The following BBS1 variants were observed in gnomAD, a reference collection of about 807,000 sequenced individuals.
The protein encoded by BBS1 is Bardet-Biedl syndrome 1, also known as BBSome complex member BBS1.
BBS1 carries 60 observed loss-of-function variants against 73.9 expected under a neutral mutation model. The ratio of observed to expected loss-of-function variants is 0.81; its 90% CI spans 0.66 to 1.01. The LOEUF (loss-of-function observed/expected upper bound fraction) is 1.01, where lower values mean the gene tolerates loss of function less well. Among genes scored for constraint, BBS1 ranks in the 50% least tolerant of loss-of-function variants. The probability of loss-of-function intolerance (pLI) is 0.00; values close to 1 mark genes in which losing one functional copy is unlikely to be tolerated. For missense variants in BBS1, 718 were observed against 770.3 expected, an observed-to-expected ratio of 0.93 and a Z score of 0.80; for synonymous variants, 283 against 317.4, an observed-to-expected ratio of 0.89 and a Z score of 1.15.
At chr11:66,511,607 G>A (rs138476861) in intron 3 of BBS1, among the ~76,000 whole-genome samples, 297 of 152,242 alleles carry the variant, frequency 2.0e-3, no homozygotes, top group Middle Eastern at 6.8e-3. Context: ...TTTAAGATGG[G>A]CCATGAGCTG....
chr11:66,510,680 G>A lies in BBS1; in HGVS notation c.21G>A (p.Ser7=), dbSNP rs745789744. The change falls in exon 1 of 17, where the codon TCG becomes TCA. Residue 7 remains serine (S), a synonymous_variant. Transcript: ENST00000318312. MAAASS[S]DSDACGAESN... ...CGAAGATGGCCGCTGCGTCCTCATC[G>A]GATTCCGACGCCTGCGGAGCTGAGA... 1 of 1,614,186 alleles carries A rather than the reference G, an allele frequency of 6.2e-7. No individual in the cohort carries two copies.
intron 13 of BBS1, among the ~76,000 whole-genome samples, chr11:66,527,293 T>C (rs1269795210): frequency 6.6e-6 from 1 of 152,046 alleles, no homozygotes; most frequent in East Asian, 1.9e-4. Flanking sequence ...CGTTTATTTG[T>C]TCATTCATTC....
intron 4 of BBS1, among the ~76,000 whole-genome samples, chr11:66,515,055 T>G (rs1211127991): frequency 1.3e-5 from 2 of 152,132 alleles, no homozygotes; most frequent in African/African-American, 2.4e-5. Context: ...TGGCCTCATA[T>G]GATCTACCCA....
rs969612052 is a variant in BBS1, at chr11:66,529,308, G to A, written c.1340-511G>A. Reference sequence around the variant, plus strand: ...GGACAGGGAGGCAGTGACGGAGGCAGGACCATGAGGCTGGTTTCCGCAGCA... The same window carrying A: ...GGACAGGGAGGCAGTGACGGAGGCAAGACCATGAGGCTGGTTTCCGCAGCA... On this transcript the variant is annotated intron_variant, in intron 13 of 16. Coordinates refer to ENST00000318312, the MANE Select transcript of BBS1 (RefSeq NM_024649.5). 51 of 1,536,078 alleles carry A rather than the reference G, an allele frequency of 3.3e-5. 1 individual carries two copies. The highest frequency in any genetic ancestry group is 1.7e-4 in the Middle Eastern group (1 of 5,820).
At chr11:66,510,746 G>C (rs1351408146) in intron 1 of BBS1, 40 bp downstream of exon 1, 2 of 1,612,932 alleles carry the variant, frequency 1.2e-6, no homozygotes, top group Admixed American at 3.3e-5. Context: ...TCCCACCCGT[G>C]TAAAGAGGGT....
chr11:66,528,152 G>T, intron 13 of BBS1, among the ~76,000 whole-genome samples: 1 of 152,116 alleles, frequency 6.6e-6, no homozygotes, highest in Admixed American at 6.6e-5. Flanking sequence ...GGAGGCAAAG[G>T]TTGCAGTGAA....
chr11:66,514,425 G>T lies in BBS1; in HGVS notation c.179G>T (p.Gly60Val). Residue 60 changes from glycine to valine, a missense_variant, in exon 4 of 17, where the codon GGC (glycine) becomes GTC (valine). Transcript: ENST00000318312. ...CTGCAGCTGGTGGTAGGGGACCTTGGCCCTGGTGGGCAGCAGCCCCGCCTG... is the reference window on the plus strand; with the variant it reads ...CTGCAGCTGGTGGTAGGGGACCTTGTCCCTGGTGGGCAGCAGCCCCGCCTG... ...GEYKLVVGDL[G>V]PGGQQPRLKV... 1 of 1,614,090 alleles carries T rather than the reference G, an allele frequency of 6.2e-7. No individual in the cohort carries two copies.
At chr11:66,516,060 C>G (rs1856042509) in intron 7 of BBS1, 127 bp downstream of exon 7, 1 of 896,330 alleles carries the variant, frequency 1.1e-6, no homozygotes, top group African/African-American at 1.7e-5. Flanking sequence ...CCCTTCCAGC[C>G]ATGCCATGTG....
In BBS1 at chr11:66,526,609, C is replaced by T. The variant is rs527954704; in HGVS notation, c.1181-40C>T. On this transcript the variant is annotated intron_variant, in intron 12 of 16. Transcript: ENST00000318312. ...AGAAAGAATGGGAATGTGGGTAGAA[C>T]TGGGGAGGACAAATCCATTTCCACT... is the stretch of plus-strand genomic sequence containing the variant. 50 of 1,613,660 alleles carry T rather than the reference C, an allele frequency of 3.1e-5. No individual in the cohort carries two copies. In the South Asian group the frequency reaches 5.2e-4, roughly 17 times the overall value.
At position 66,526,872 on chromosome 11, in the gene BBS1, G is replaced by A. The variant is rs1480225502; in HGVS notation, c.1339+65G>A. 37 of 1,613,284 alleles carry A rather than the reference G, an allele frequency of 2.3e-5. No individual in the cohort carries two copies. In the Admixed American group the frequency reaches 5.5e-4, roughly 24 times the overall value. ...ACTGCTCCTACACAGCAAAGCTGGG[G>A]GAATGCTGCCCAGCCTCCCTGTGCA... On this transcript the variant is annotated intron_variant, in intron 13 of 16. Coordinates refer to ENST00000318312, the MANE Select transcript of BBS1 (RefSeq NM_024649.5).
At chr11:66,512,358 C>A (rs1174563201) in intron 3 of BBS1, among the ~76,000 whole-genome samples, 2 of 152,080 alleles carry the variant, frequency 1.3e-5, no homozygotes, top group African/African-American at 4.8e-5. Flanking sequence ...CCATGGGCAA[C>A]AACACCACAA....
Position 66,515,859 on chromosome 11 carries a change from A to G in BBS1, c.519-2A>G, listed in dbSNP as rs1057516502. 6.2e-7 allele frequency: 1 copy of G among 1,614,214 alleles called. No individual in the cohort carries two copies. Among genetic ancestry groups the G allele is most frequent in the Non-Finnish European group, 8.5e-7 (1 of 1,180,036 alleles). On this transcript the variant is annotated splice_acceptor_variant, in intron 6 of 16. Coordinates refer to ENST00000318312, the MANE Select transcript of BBS1 (RefSeq NM_024649.5). LOFTEE classifies it high-confidence loss of function. ...GCAGATGCCAGTTCTCTGTGTGTCT[A>G]GGTTTCTGCAGCTGGAGCTAAGTGA...
At chr11:66,512,479 A>G (rs1420576441) in intron 3 of BBS1, among the ~76,000 whole-genome samples, 1 of 152,210 alleles carries the variant, frequency 6.6e-6, no homozygotes, top group Non-Finnish European at 1.5e-5. Flanking sequence ...TAATGTATTC[A>G]GTAATTCAGC....
intron 11 of BBS1, among the ~76,000 whole-genome samples, chr11:66,524,552 C>G (rs1482539120): frequency 6.6e-6 from 1 of 152,084 alleles, no homozygotes; most frequent in African/African-American, 2.4e-5. Context: ...TCAACTGGGC[C>G]TCAGAACAGT....
Position 66,526,133 on chromosome 11 carries a change from C to T in BBS1, c.1121C>T (p.Thr374Ile). The change falls in exon 12 of 17, where the codon ACC (threonine) becomes ATC (isoleucine). Residue 374 changes from threonine (T) to isoleucine (I), a missense_variant. Thr to Ile is a moderately conservative substitution (Grantham distance 89). Transcript: ENST00000318312. Reference protein sequence around the residue: ...LNVIHTPDAVTSLCFGRYGRE... With the variant: ...LNVIHTPDAVISLCFGRYGRE... ...GACGTCTCCACATAGGATGCAGTGA[C>T]CAGCCTTTGCTTTGGCCGGTACGGG... 1.2e-6 allele frequency: 2 copies of T among 1,614,232 alleles called. No homozygotes were observed. Among genetic ancestry groups the T allele is most frequent in the Non-Finnish European group, 1.7e-6 (2 of 1,180,040 alleles).
At chr11:66,519,948 C>A in intron 8 of BBS1, 200 bp downstream of exon 8, 1 of 561,326 alleles carries the variant, frequency 1.8e-6, no homozygotes, top group Non-Finnish European at 3.1e-6. Context: ...TCTCTCTAGA[C>A]ATTTTCATAT....
At chr11:66,521,886 C>T (rs1432410683) in intron 9 of BBS1, among the ~76,000 whole-genome samples, 5 of 101,558 alleles carry the variant, frequency 4.9e-5, no homozygotes, top group Non-Finnish European at 9.1e-5. Context: ...GCCTGGGTAA[C>T]GGAGCGAGAC....
At chr11:66,512,850 T>C (rs964795764) in intron 3 of BBS1, among the ~76,000 whole-genome samples, 1 of 151,862 alleles carries the variant, frequency 6.6e-6, no homozygotes, top group Non-Finnish European at 1.5e-5. Flanking sequence ...CAGGCGCCTG[T>C]AATCCCAGCT....
chr11:66,511,350 G>A (rs1590754349), intron 3 of BBS1, 111 bp downstream of exon 3: 2 of 1,307,664 alleles, frequency 1.5e-6, no homozygotes, highest in Middle Eastern at 2.3e-4. Context: ...CACATATACT[G>A]TGAAAAAGCA....
Sources: gnomAD v4.1 joint callset for allele counts (sites outside exome capture counted in the v4.1 genomes callset) on GRCh38, gnomAD v4.1.1 for gene constraint, MANE v1.5 for transcripts, NCBI Gene and HGNC (gene_info 2026-07-23, HGNC 2026-07-21) for gene names.